The following UHMK1 variants were observed in gnomAD, a reference collection of about 807,000 sequenced individuals.
UHMK1 encodes U2AF homology motif kinase 1, also known as serine/threonine-protein kinase Kist.
UHMK1 carries 18 observed loss-of-function variants against 44.0 expected under a neutral mutation model. The ratio of observed to expected loss-of-function variants is 0.41; its 90% CI spans 0.28 to 0.61. The LOEUF (loss-of-function observed/expected upper bound fraction) is 0.61. UHMK1 is among the 20% of genes least tolerant of loss of function. The probability of loss-of-function intolerance (pLI) is 0.31; values close to 1 mark genes in which losing one functional copy is unlikely to be tolerated. For missense variants in UHMK1, 463 were observed against 522.5 expected, an observed-to-expected ratio of 0.89 and a Z score of 1.11; for synonymous variants, 231 against 198.5, an observed-to-expected ratio of 1.16 and a Z score of -1.38.
At chr1:162,517,650 G>A (rs1651878803) in intron 6 of UHMK1, among the ~76,000 whole-genome samples, 1 of 152,164 alleles carries the variant, frequency 6.6e-6, no homozygotes, top group Admixed American at 6.5e-5. Context: ...ACTTTAGGAG[G>A]CTGAGGTGGG....
rs533388696 is a variant in UHMK1, at chr1:162,521,974, A to G, written c.1114-430A>G. ...CAATTTCCAGCAGCTTTTGACCAAT[A>G]TTTTTTCCTTTTTCACTGCTAAAAG... On this transcript the variant is annotated intron_variant, in intron 7 of 7. Transcript: ENST00000489294. Among the ~76,000 whole-genome samples, 122 of 151,914 alleles carry G rather than the reference A, an allele frequency of 8.0e-4. 1 individual carries two copies. Among genetic ancestry groups the G allele is most frequent in the Non-Finnish European group, 1.3e-3 (88 of 67,992 alleles).
At chr1:162,515,712 G>A (rs1278585422) in intron 6 of UHMK1, among the ~76,000 whole-genome samples, 1 of 152,068 alleles carries the variant, frequency 6.6e-6, no homozygotes, top group African/African-American at 2.4e-5. Context: ...ACCTCATTCT[G>A]TCTACTCCTA....
At chr1:162,511,862 GT>G (rs1416973778) in intron 4 of UHMK1, among the ~76,000 whole-genome samples, 2 of 151,800 alleles carry the variant, frequency 1.3e-5, no homozygotes, top group African/African-American at 4.8e-5. Flanking sequence ...TCCCCATTGT[GT>G]TTTCTTGGCA....
In UHMK1 at chr1:162,526,871, C is replaced by T. The variant is rs1456404182; in HGVS notation, c.*4321C>T. 2 of 152,078 alleles carry T rather than the reference C, an allele frequency of 1.3e-5. No individual in the cohort carries two copies. Among genetic ancestry groups the T allele is most frequent in the African/African-American group, 4.8e-5 (2 of 41,438 alleles). The allele number at this position is 152,078 out of a possible 1,614,324, so 9.4% of individuals were successfully genotyped here. A position where few individuals can be genotyped will look rare whatever the true frequency, so the allele number is the denominator to read the frequency against. On this transcript the variant is annotated 3_prime_UTR_variant, in exon 8 of 8. Coordinates refer to ENST00000489294, the MANE Select transcript of UHMK1 (RefSeq NM_175866.5). ...CCTTCATCAAATTTTACTACTGTAG[C>T]TCTGTGATATAATTTCATTTCTTGT... is the stretch of plus-strand genomic sequence containing the variant.
In UHMK1 at chr1:162,501,986, A is replaced by G. The variant is rs552013468; in HGVS notation, c.753+882A>G. 3.3e-5 allele frequency among the ~76,000 whole-genome samples: 5 copies of G among 152,170 alleles called. No homozygotes were observed. In the South Asian group the frequency reaches 8.3e-4, roughly 25 times the overall value. ...TAATACTTGTTTAATATCAAGAACA[A>G]TAATCATTCCAAAACATTGTATTTA... On this transcript the variant is annotated intron_variant, in intron 3 of 7. Coordinates refer to ENST00000489294, the MANE Select transcript of UHMK1 (RefSeq NM_175866.5).
rs561440837 is a variant in UHMK1, at chr1:162,524,691, T to G, written c.*2141T>G. On this transcript the variant is annotated 3_prime_UTR_variant, in exon 8 of 8. Transcript: ENST00000489294. ...TAAACTGCAGGTAGGCTTCTAAGCC[T>G]AGTCCTGCAGTATGCTGCTAACATC... 6.6e-6 allele frequency: 1 copy of G among 152,326 alleles called. No homozygotes were observed. Among genetic ancestry groups the G allele is most frequent in the East Asian group, 1.9e-4 (1 of 5,180 alleles). The allele number at this position is 152,326 out of a possible 1,614,324, so 9.4% of individuals were successfully genotyped here.
intron 5 of UHMK1, 69 bp downstream of exon 5, chr1:162,512,645 A>C: frequency 6.2e-7 from 1 of 1,601,576 alleles, no homozygotes; most frequent in East Asian, 2.2e-5. Context: ...GCACTAATTT[A>C]TATTCACAAG....
At position 162,500,030 on chromosome 1, in the gene UHMK1, A is replaced by G; in HGVS notation, c.344A>G (p.Asp115Gly). The change falls in exon 2 of 8, where the codon GAT becomes GGT. Residue 115 changes from aspartate to glycine, a missense_variant. Asp to Gly is a moderately conservative substitution (Grantham distance 94). Transcript: ENST00000489294. The stretch of plus-strand genomic sequence containing the variant: ...CGCTGTCTGTTGCTTGAACTCCTGG[A>G]TGTCAGTGTTTCGGAATTGCTCTTA... ...PSRCLLLELL[D>G]VSVSELLLYS... 6.2e-7 allele frequency: 1 copy of G among 1,614,036 alleles called. No homozygotes were observed. The highest frequency in any genetic ancestry group is 8.5e-7 in the Non-Finnish European group (1 of 1,180,024).
chr1:162,506,705 A>G (rs916908173), intron 4 of UHMK1, among the ~76,000 whole-genome samples: 1 of 152,168 alleles, frequency 6.6e-6, no homozygotes, highest in Non-Finnish European at 1.5e-5. Flanking sequence ...TCTACTAAAA[A>G]TACAAAAAAA....
At chr1:162,508,085 C>G (rs923747228) in intron 4 of UHMK1, among the ~76,000 whole-genome samples, 1 of 151,552 alleles carries the variant, frequency 6.6e-6, no homozygotes, top group Non-Finnish European at 1.5e-5. Context: ...CATCTTATAT[C>G]GTTTTTTAAA....
intron 3 of UHMK1, among the ~76,000 whole-genome samples, chr1:162,501,575 A>G (rs920563731): frequency 6.6e-5 from 10 of 152,232 alleles, no homozygotes; most frequent in East Asian, 1.9e-4. Context: ...ATGGCTATCA[A>G]TCTGCTAGTG....
At chr1:162,503,096 T>G (rs1003799246) in intron 3 of UHMK1, among the ~76,000 whole-genome samples, 10 of 152,296 alleles carry the variant, frequency 6.6e-5, no homozygotes, top group African/African-American at 1.9e-4. Context: ...GATAGTTTAT[T>G]TCTGCCTGAA....
chr1:162,524,394 A>G lies in UHMK1; in HGVS notation c.*1844A>G, dbSNP rs1350534135. 2 of 152,230 alleles carry G rather than the reference A, an allele frequency of 1.3e-5. No homozygotes were observed. The highest frequency in any genetic ancestry group is 2.4e-5 in the African/African-American group (1 of 41,470). 9.4% of individuals were successfully genotyped at this position (152,230 alleles called of 1,614,324 possible). A position where few individuals can be genotyped will look rare whatever the true frequency, so the allele number is the denominator to read the frequency against. ...TCCCCAATACATGCCCTTAGAAGGA[A>G]GAACTATTATTTTTTATTTTGGCCC... On this transcript the variant is annotated 3_prime_UTR_variant, in exon 8 of 8. Coordinates refer to ENST00000489294, the MANE Select transcript of UHMK1 (RefSeq NM_175866.5).
At chr1:162,508,884 G>A (rs556963622) in intron 4 of UHMK1, among the ~76,000 whole-genome samples, 1 of 151,804 alleles carries the variant, frequency 6.6e-6, no homozygotes, top group East Asian at 1.9e-4. Context: ...ACAGCTCACT[G>A]CAGCTTTAAG....
Position 162,528,414 on chromosome 1 carries a change from A to T in UHMK1, c.*5864A>T, listed in dbSNP as rs777874800. 3 of 152,122 alleles carry T rather than the reference A, an allele frequency of 2.0e-5. No homozygotes were observed. Among genetic ancestry groups the T allele is most frequent in the Admixed American group, 1.3e-4 (2 of 15,252 alleles). 9.4% of individuals were successfully genotyped at this position (152,122 alleles called of 1,614,324 possible). ...ACACATTCCTCATCATTGTTTCCTC[A>T]GAAAATTATTTTAAGAGTTTGTGAA... On this transcript the variant is annotated 3_prime_UTR_variant, in exon 8 of 8. Transcript: ENST00000489294.
intron 2 of UHMK1, 164 bp downstream of exon 2, chr1:162,500,411 G>A (rs772098065): frequency 5.2e-5 from 42 of 803,768 alleles, no homozygotes; most frequent in African/African-American, 1.4e-4. Context: ...CAGTGCCACC[G>A]TGTAAAAAAA....
At chr1:162,509,645 C>T (rs1175423433) in intron 4 of UHMK1, among the ~76,000 whole-genome samples, 7 of 151,670 alleles carry the variant, frequency 4.6e-5, no homozygotes, top group Non-Finnish European at 8.8e-5. Context: ...GGTTTTTTTT[C>T]GTATGTGTGT....
chr1:162,515,151 A>AGCAG (rs912077817), intron 6 of UHMK1, among the ~76,000 whole-genome samples: 2 of 113,116 alleles, frequency 1.8e-5, no homozygotes, highest in African/African-American at 6.6e-5. Flanking sequence ...AAAAATTTAA[A>AGCAG]ACAGCAAACA....
rs1318798598 is a variant in UHMK1, at chr1:162,512,554, C to T, written c.903C>T (p.Ser301=). ...TTCCTGCTGAAATGGCATTGTGCAG[C>T]CCATTCTTTAGCATTCCTTTTGGTA... is the stretch of plus-strand genomic sequence containing the variant. ...RRIPAEMALC[S]PFFSIPFAPH... Residue 301 remains serine (S), a synonymous_variant, in exon 5 of 8, where the codon AGC becomes AGT. Transcript: ENST00000489294. The T allele has an allele frequency of 1.2e-6, 2 of 1,612,912 alleles. No homozygotes were observed. Among genetic ancestry groups the T allele is most frequent in the Admixed American group, 3.3e-5 (2 of 59,718 alleles).
Sources: allele counts gnomAD v4.1 joint callset (sites outside exome capture counted in the v4.1 genomes callset), GRCh38; gene constraint gnomAD v4.1.1; transcripts MANE v1.5; gene names NCBI Gene and HGNC (gene_info 2026-07-23, HGNC 2026-07-21).